VTI1A: variants seen among roughly 807,000 people sequenced by gnomAD.
The protein encoded by VTI1A is vesicle transport through interaction with t-SNAREs homolog 1A.
A neutral mutation model predicts 34.9 loss-of-function variants in VTI1A; 22 were observed. That is an observed-to-expected ratio of 0.63 (90% CI 0.45 to 0.90). The LOEUF (loss-of-function observed/expected upper bound fraction) is 0.90. Ranked by LOEUF, VTI1A falls within the 40% of genes least tolerant of loss-of-function variation. The pLI is 0.00. For missense variants in VTI1A, 268 were observed against 275.6 expected, an observed-to-expected ratio of 0.97 and a Z score of 0.20; for synonymous variants, 87 against 97.3, an observed-to-expected ratio of 0.89 and a Z score of 0.62.
At chr10:112,712,899 G>A (rs1038365898) in intron 7 of VTI1A, among the ~76,000 whole-genome samples, 4 of 152,176 alleles carry the variant, frequency 2.6e-5, no homozygotes, top group Admixed American at 6.5e-5. Flanking sequence ...GGTGGCAGAT[G>A]TTGAACATCT....
At chr10:112,609,257 A>G (rs923747205) in intron 5 of VTI1A, among the ~76,000 whole-genome samples, 1 of 152,336 alleles carries the variant, frequency 6.6e-6, no homozygotes, top group Admixed American at 6.5e-5. Flanking sequence ...TTAAAATAAG[A>G]ACTCATTCTA....
intron 3 of VTI1A, among the ~76,000 whole-genome samples, chr10:112,507,721 G>A (rs1849479112): frequency 1.3e-5 from 2 of 152,144 alleles, no homozygotes; most frequent in Admixed American, 1.3e-4. Flanking sequence ...CATGCTCTGA[G>A]CACTCAATGA....
intron 5 of VTI1A, among the ~76,000 whole-genome samples, chr10:112,601,064 T>C (rs564496558): frequency 9.2e-5 from 14 of 152,312 alleles, no homozygotes; most frequent in Admixed American, 9.2e-4. Context: ...GATAGTTTTA[T>C]GGGGATTCAG....
intron 3 of VTI1A, among the ~76,000 whole-genome samples, chr10:112,506,328 G>A (rs1410859042): frequency 6.6e-6 from 1 of 152,172 alleles, no homozygotes; most frequent in Non-Finnish European, 1.5e-5. Context: ...AAAGCATTAA[G>A]CAACACATGA....
downstream of VTI1A, among the ~76,000 whole-genome samples, chr10:112,819,558 C>A (rs1186232167): frequency 2.6e-5 from 4 of 152,250 alleles, no homozygotes; most frequent in South Asian, 4.2e-4. Flanking sequence ...ATGTCTTGGG[C>A]ATCTCCGTGC....
intron 3 of VTI1A, among the ~76,000 whole-genome samples, chr10:112,498,894 A>G (rs1396170628): frequency 6.6e-6 from 1 of 152,106 alleles, no homozygotes; most frequent in Non-Finnish European, 1.5e-5. Context: ...AAGTGTCTCT[A>G]CCTAAATTAT....
chr10:112,822,812 G>C (rs1180049094), downstream of VTI1A, among the ~76,000 whole-genome samples: 1 of 152,162 alleles, frequency 6.6e-6, no homozygotes, highest in Non-Finnish European at 1.5e-5. Context: ...AGCATGAGAG[G>C]TGTAAGCAGA....
intron 5 of VTI1A, among the ~76,000 whole-genome samples, chr10:112,550,993 C>T (rs904706297): frequency 6.6e-6 from 1 of 152,090 alleles, no homozygotes; most frequent in Non-Finnish European, 1.5e-5. Context: ...CCTGTAATCC[C>T]AGCACTTTGG....
At chr10:112,639,329 T>C (rs1846478482) in intron 5 of VTI1A, among the ~76,000 whole-genome samples, 1 of 152,210 alleles carries the variant, frequency 6.6e-6, no homozygotes, top group East Asian at 1.9e-4. Flanking sequence ...TTTAGACGTA[T>C]AGGAGACTGA....
rs529353974 is a variant in VTI1A at position 112,745,571 on chromosome 10, G to A, written c.561-69719G>A. ...CAGTGATTTAACCAGACATGGAAAT[G>A]ACTGTGGACATGTGAATCTATCCCA... is the stretch of plus-strand genomic sequence containing the variant. On this transcript the variant is annotated intron_variant, in intron 7 of 7. Coordinates refer to ENST00000393077, the MANE Select transcript of VTI1A (RefSeq NM_145206.4). 2.0e-5 allele frequency among the ~76,000 whole-genome samples: 3 copies of A among 152,258 alleles called. No homozygotes were observed. The South Asian group carries it at 6.2e-4, about 32-fold the overall frequency.
intron 7 of VTI1A, among the ~76,000 whole-genome samples, chr10:112,720,229 G>A (rs926124605): frequency 3.3e-5 from 5 of 152,186 alleles, no homozygotes; most frequent in Non-Finnish European, 7.3e-5. Context: ...TGCCTACTTA[G>A]GAGTAGAATT....
At chr10:112,697,031 TCA>T (rs1240667912) in intron 7 of VTI1A, among the ~76,000 whole-genome samples, 1 of 152,198 alleles carries the variant, frequency 6.6e-6, no homozygotes, top group Non-Finnish European at 1.5e-5. Context: ...TAATGATGTA[TCA>T]GTTTTTCTTT....
intron 5 of VTI1A, among the ~76,000 whole-genome samples, chr10:112,607,913 C>T (rs1845146671): frequency 6.6e-6 from 1 of 152,196 alleles, no homozygotes; most frequent in African/African-American, 2.4e-5. Flanking sequence ...CAGCTGACGT[C>T]TCTAAGAGAG....
chr10:112,706,484 T>A (rs1038954790), intron 7 of VTI1A, among the ~76,000 whole-genome samples: 4 of 152,234 alleles, frequency 2.6e-5, no homozygotes, highest in African/African-American at 9.6e-5. Context: ...GAGCTCTTAG[T>A]CTTACCTACT....
intron 5 of VTI1A, among the ~76,000 whole-genome samples, chr10:112,654,520 A>G (rs1397175041): frequency 6.6e-6 from 1 of 151,914 alleles, no homozygotes; most frequent in South Asian, 2.1e-4. Flanking sequence ...TTTGAGACCG[A>G]GTCTAACTGT....
intron 5 of VTI1A, among the ~76,000 whole-genome samples, chr10:112,577,943 C>A (rs930717074): frequency 6.6e-6 from 1 of 152,180 alleles, no homozygotes; most frequent in Non-Finnish European, 1.5e-5. Context: ...CTCATTTCTT[C>A]TTTTGAATGG....
chr10:112,703,216 C>T (rs1001129348), intron 7 of VTI1A, among the ~76,000 whole-genome samples: 1 of 151,944 alleles, frequency 6.6e-6, no homozygotes, highest in African/African-American at 2.4e-5. Flanking sequence ...AAATGAAATC[C>T]ATTTAAATCA....
intron 7 of VTI1A, among the ~76,000 whole-genome samples, chr10:112,672,303 A>C (rs1400055331): frequency 6.6e-6 from 1 of 152,230 alleles, no homozygotes; most frequent in East Asian, 1.9e-4. Context: ...ACCGAAAAGA[A>C]ATTGCTCTTC....
chr10:112,548,825 T>C, intron 5 of VTI1A: 1 of 1,495,104 alleles, frequency 6.7e-7, no homozygotes, highest in South Asian at 1.2e-5. Flanking sequence ...TCACCAGACT[T>C]TAAGAATTTA....
Sources: allele counts gnomAD v4.1 joint callset (sites outside exome capture counted in the v4.1 genomes callset), GRCh38; gene constraint gnomAD v4.1.1; transcripts MANE v1.5; gene names NCBI Gene and HGNC (gene_info 2026-07-23, HGNC 2026-07-21).